The following SLC35F2 variants were observed in gnomAD, a reference collection of about 807,000 sequenced individuals.
SLC35F2 encodes solute carrier family 35 member F2, also known as queuine/queuosine transporter SLC35F2.
A neutral mutation model predicts 38.1 loss-of-function variants in SLC35F2; 25 were observed. That is an observed-to-expected ratio of 0.66 (90% confidence interval 0.48 to 0.92). SLC35F2 has a LOEUF of 0.92. SLC35F2 is among the 40% of genes least tolerant of loss of function. The pLI, the probability that SLC35F2 is intolerant of heterozygous loss-of-function variation, is 0.00. For synonymous variants in SLC35F2, 173 were observed against 181.7 expected (o/e 0.95, Z 0.38); for missense variants, 409 against 452.9 (o/e 0.90, Z 0.88).
chr11:107,820,294 AG>A (rs934405346), intron 1 of SLC35F2, among the ~76,000 whole-genome samples: 1 of 150,902 alleles, frequency 6.6e-6, no homozygotes, highest in African/African-American at 2.4e-5. Flanking sequence ...GAGAAAAGAA[AG>A]GGAGGGAGGG....
chr11:107,832,180 T>A (rs58472728), intron 1 of SLC35F2, among the ~76,000 whole-genome samples: 8,641 of 152,222 alleles, frequency 0.057, 648 homozygotes, highest in African/African-American at 0.17. Flanking sequence ...TGGGTCTAGA[T>A]CCAGCAAGTA....
At position 107,792,495 on chromosome 11, in the gene SLC35F2, T is replaced by C; in HGVS notation, c.*120A>G. On this transcript the variant is annotated 3_prime_UTR_variant, in exon 8 of 8. Transcript: ENST00000525815. ...GTGTTCCTTTCTAAAACCTAACCAC[T>C]GGATCCAACCCAGGGTTGTAGAGTG... 1 of 1,199,104 alleles carries C rather than the reference T, an allele frequency of 8.3e-7. No individual in the cohort carries two copies. Among genetic ancestry groups the C allele is most frequent in the South Asian group, 1.8e-5 (1 of 56,116 alleles). 74.3% of individuals were successfully genotyped at this position (1,199,104 alleles called of 1,614,324 possible).
At chr11:107,850,123 G>T (rs780108743) in intron 1 of SLC35F2, among the ~76,000 whole-genome samples, 40 of 152,288 alleles carry the variant, frequency 2.6e-4, no homozygotes, top group Admixed American at 2.5e-3. Context: ...GAAATCAAGG[G>T]TGATTCTGTA....
intron 1 of SLC35F2, among the ~76,000 whole-genome samples, chr11:107,844,383 T>C (rs1167512773): frequency 6.6e-6 from 1 of 152,116 alleles, no homozygotes; most frequent in African/African-American, 2.4e-5. Context: ...ATCCCAGCAC[T>C]TTGGGAGGCC....
At position 107,805,499 on chromosome 11, in the gene SLC35F2, A is replaced by C. The variant is rs1167457305; in HGVS notation, c.591T>G (p.Ile197Met). 14 of 1,613,720 alleles carry C rather than the reference A, an allele frequency of 8.7e-6. No individual in the cohort carries two copies. Among genetic ancestry groups the C allele is most frequent in the Non-Finnish European group, 1.2e-5 (14 of 1,179,886 alleles). Residue 197 changes from isoleucine to methionine, a missense_variant, in exon 5 of 8, where the codon ATT becomes ATG. Coordinates refer to ENST00000525815, the MANE Select transcript of SLC35F2 (RefSeq NM_017515.5). ...REDNSGSDVL[I>M]GDILVLLGAS... is the part of the protein sequence containing the mutation. ...CCCCAAGAAGGACCAAGATGTCACC[A>C]ATCAATACATCACTCCCTGCAGGAA...
rs368795744 is a variant in SLC35F2, at chr11:107,816,267, C to T, written c.111-302G>A. The T allele has an allele frequency of 4.2e-4, 405 of 953,974 alleles. 1 individual carries two copies. In the African/African-American group the frequency reaches 6.4e-3, roughly 15 times the overall value. The allele number at this position is 953,974 out of a possible 1,614,324, so 59.1% of individuals were successfully genotyped here. The stretch of plus-strand genomic sequence containing the variant: ...TAACATATACTTTGTAAAGTGCGCA[C>T]GTGTGTGTGTGTGTGTATGACTTTT... On this transcript the variant is annotated intron_variant, in intron 1 of 7. Coordinates refer to ENST00000525815, the MANE Select transcript of SLC35F2 (RefSeq NM_017515.5).
intron 3 of SLC35F2, among the ~76,000 whole-genome samples, chr11:107,807,580 A>ATTT (rs71047628): frequency 1.6e-4 from 23 of 147,320 alleles, no homozygotes; most frequent in Admixed American, 4.1e-4. Context: ...TATTATTATT[A>ATTT]TTTTTTTTTT....
At chr11:107,793,820 G>C (rs1859172805) in intron 7 of SLC35F2, among the ~76,000 whole-genome samples, 1 of 152,090 alleles carries the variant, frequency 6.6e-6, no homozygotes, top group Non-Finnish European at 1.5e-5. Flanking sequence ...ACCAAAAAGA[G>C]CAGGAGCCCA....
At chr11:107,839,853 A>C (rs1565439489) in intron 1 of SLC35F2, among the ~76,000 whole-genome samples, 1 of 152,174 alleles carries the variant, frequency 6.6e-6, no homozygotes, top group Non-Finnish European at 1.5e-5. Context: ...GGGTTTCTGC[A>C]TGTTAGTCAG....
chr11:107,846,796 G>A (rs1860109813), intron 1 of SLC35F2, among the ~76,000 whole-genome samples: 1 of 152,020 alleles, frequency 6.6e-6, no homozygotes, highest in Admixed American at 6.6e-5. Context: ...CTGGCATGGT[G>A]GCGGGCGCCT....
intron 5 of SLC35F2, chr11:107,805,107 T>C: frequency 1.0e-6 from 1 of 985,470 alleles, no homozygotes; most frequent in Non-Finnish European, 1.2e-6. Context: ...CAAATGCCTC[T>C]ACCACATGGT....
chr11:107,853,860 ATAAT>A lies in SLC35F2; in HGVS notation c.110+4794_110+4797del, dbSNP rs575231121. 1.9e-4 allele frequency among the ~76,000 whole-genome samples: 29 copies of A among 152,134 alleles called. No individual in the cohort carries two copies. The East Asian group carries it at 4.6e-3, about 24-fold the overall frequency. On this transcript the variant is annotated intron_variant, in intron 1 of 7. Transcript: ENST00000525815. ...GGGAAAAAGATAAATATATAAAATA[ATAAT>A]TAAAGGTTTTTGCTAGAGATATAAA...
intron 1 of SLC35F2, among the ~76,000 whole-genome samples, chr11:107,831,462 C>A (rs894555586): frequency 1.3e-5 from 2 of 152,104 alleles, no homozygotes; most frequent in South Asian, 4.2e-4. Context: ...CGGCCTCAGG[C>A]GATCCTCATG....
chr11:107,843,787 G>A (rs1439876736), intron 1 of SLC35F2, among the ~76,000 whole-genome samples: 2 of 142,152 alleles, frequency 1.4e-5, no homozygotes, highest in Admixed American at 1.5e-4. Context: ...CAAGGCTGCA[G>A]TGAACTATGA....
chr11:107,810,086 G>A (rs1859459573), intron 3 of SLC35F2: 1 of 985,276 alleles, frequency 1.0e-6, no homozygotes, highest in African/African-American at 1.7e-5. Flanking sequence ...CCATCCTTTT[G>A]GACTACCCAG....
chr11:107,827,748 C>CAAA lies in SLC35F2; in HGVS notation c.111-11786_111-11784dup, dbSNP rs34012776. ...TGGGCGACAGAGCAAGACTCTGTCT[C>CAAA]AAAAAAAAAAAAAAATTAGCTGGGC... On this transcript the variant is annotated intron_variant, in intron 1 of 7. Coordinates refer to ENST00000525815, the MANE Select transcript of SLC35F2 (RefSeq NM_017515.5). 5.4e-5 allele frequency among the ~76,000 whole-genome samples: 7 copies of CAAA among 130,644 alleles called. 1 individual carries two copies. Among genetic ancestry groups the CAAA allele is most frequent in the South Asian group, 4.9e-4 (2 of 4,100 alleles). The allele number at this position is 130,644 out of a possible 152,430, so 85.7% of individuals were successfully genotyped here. A position where few individuals can be genotyped will look rare whatever the true frequency, so the allele number is the denominator to read the frequency against.
At chr11:107,857,686 T>C (rs1009961223) in intron 1 of SLC35F2, among the ~76,000 whole-genome samples, 4 of 152,122 alleles carry the variant, frequency 2.6e-5, no homozygotes, top group Admixed American at 2.6e-4. Context: ...GAAATTCGCT[T>C]TGTTAATATG....
intron 7 of SLC35F2, among the ~76,000 whole-genome samples, chr11:107,797,895 A>AACAC (rs1859245995): frequency 6.6e-6 from 1 of 152,214 alleles, no homozygotes; most frequent in Non-Finnish European, 1.5e-5. Context: ...GCTGGTGTTT[A>AACAC]ATAAATGTTT....
At chr11:107,803,860 C>T (rs1859355327) in intron 6 of SLC35F2, among the ~76,000 whole-genome samples, 1 of 151,838 alleles carries the variant, frequency 6.6e-6, no homozygotes, top group Non-Finnish European at 1.5e-5. Flanking sequence ...GAGTCTCGCA[C>T]TGTTGCCTGG....
Sources: gnomAD v4.1 joint callset for allele counts (sites outside exome capture counted in the v4.1 genomes callset) on GRCh38, gnomAD v4.1.1 for gene constraint, MANE v1.5 for transcripts, NCBI Gene and HGNC (gene_info 2026-07-23, HGNC 2026-07-21) for gene names.